Variants in ZNF391 observed in about 807,000 individuals in gnomAD.
The protein encoded by ZNF391 is zinc finger protein 391.
For missense variants in ZNF391, 375 were observed against 425.5 expected, an observed-to-expected ratio of 0.88 and a Z score of 1.04; for synonymous variants, 126 against 142.1, an observed-to-expected ratio of 0.89 and a Z score of 0.80.
chr6:27,400,002 A>G (rs1195018925), intron 2 of ZNF391, among the ~76,000 whole-genome samples: 5 of 151,466 alleles, frequency 3.3e-5, no homozygotes, highest in Admixed American at 3.3e-4. Flanking sequence ...TTAATCCCCA[A>G]CTCTCTGTCA....
In ZNF391 at chr6:27,400,684, A is replaced by G. The variant is rs1761931408; in HGVS notation, c.314A>G (p.Gln105Arg). The change falls in exon 3 of 3, where the codon CAA (glutamine) becomes CGA (arginine). Residue 105 changes from glutamine to arginine, a missense_variant. By Grantham distance (43) the Gln-to-Arg change is conservative. Coordinates refer to ENST00000244576, the MANE Select transcript of ZNF391 (RefSeq NM_001076781.3). ...ATTAAACACCAAAGACTTTTCTCAC[A>G]AAGAAAACCTTGTAAATGCAATGAA... ...DLIKHQRLFS[Q>R]RKPCKCNECE... The G allele has an allele frequency of 5.0e-6, 8 of 1,613,950 alleles. No homozygotes were observed. Among genetic ancestry groups the G allele is most frequent in the Non-Finnish European group, 5.1e-6 (6 of 1,179,990 alleles).
chr6:27,400,519 T>C lies in ZNF391; in HGVS notation c.149T>C (p.Leu50Pro). ...NTVVRKVSVT[L>P]KEIFTGEEGP... ...GTGGTCAGAAAAGTGTCAGTGACAC[T>C]CAAAGAAATTTTCACAGGGGAGGAA... Residue 50 changes from leucine to proline, a missense_variant, in exon 3 of 3, where the codon CTC becomes CCC. Physicochemically the swap from Leu to Pro is moderately conservative, Grantham distance 98 (BLOSUM62 -3). Coordinates refer to ENST00000244576, the MANE Select transcript of ZNF391 (RefSeq NM_001076781.3). 10 of 1,614,148 alleles carry C rather than the reference T, an allele frequency of 6.2e-6. No homozygotes were observed. Among genetic ancestry groups the C allele is most frequent in the Non-Finnish European group, 8.5e-6 (10 of 1,180,022 alleles).
rs1457759316 is a variant in ZNF391, at chr6:27,401,625, CCTT to C, written c.*183_*185del. The C allele has an allele frequency of 8.6e-6, 4 of 462,482 alleles. No individual in the cohort carries two copies. Among genetic ancestry groups the C allele is most frequent in the Admixed American group, 7.4e-5 (2 of 26,986 alleles). 28.6% of individuals were successfully genotyped at this position (462,482 alleles called of 1,614,324 possible). A position where few individuals can be genotyped will look rare whatever the true frequency, so the allele number is the denominator to read the frequency against. The stretch of plus-strand genomic sequence containing the variant: ...ATCTATCCTTCTTTCGTCTCCCCTC[CCTT>C]CTTCCCTCCTTCCCTCCTTCCTACT... On this transcript the variant is annotated 3_prime_UTR_variant, in exon 3 of 3. Transcript: ENST00000244576.
intron 1 of ZNF391, chr6:27,395,048 G>T (rs1328354855): frequency 6.6e-6 from 1 of 152,158 alleles, no homozygotes; most frequent in Admixed American, 6.5e-5. Flanking sequence ...ATCTCCAGAT[G>T]AGACTTTGGA....
intron 1 of ZNF391, among the ~76,000 whole-genome samples, chr6:27,381,509 T>A (rs1761507019): frequency 1.3e-5 from 2 of 152,212 alleles, no homozygotes; most frequent in Non-Finnish European, 2.9e-5. Flanking sequence ...GCTCCCACAG[T>A]GCAGCGGCGG....
intron 1 of ZNF391, among the ~76,000 whole-genome samples, chr6:27,382,320 C>G (rs1257003215): frequency 6.6e-6 from 1 of 152,148 alleles, no homozygotes; most frequent in Non-Finnish European, 1.5e-5. Context: ...CGCCATTGCA[C>G]TCCAGCCTGG....
intron 1 of ZNF391, chr6:27,391,028 T>A (rs867283619): frequency 6.6e-6 from 1 of 152,022 alleles, no homozygotes; most frequent in Non-Finnish European, 1.5e-5. Context: ...TCATACCCCA[T>A]ATGAAGAGAA....
Position 27,401,587 on chromosome 6 carries a change from G to A in ZNF391, c.*140G>A, listed in dbSNP as rs879194744. 6.5e-5 allele frequency: 37 copies of A among 569,778 alleles called. No homozygotes were observed. The highest frequency in any genetic ancestry group is 1.2e-4 in the South Asian group (3 of 25,148). 35.3% of individuals were successfully genotyped at this position (569,778 alleles called of 1,614,324 possible). A position where few individuals can be genotyped will look rare whatever the true frequency, so the allele number is the denominator to read the frequency against. ...CTATACCCGTTTTAAGCTTTCATTC[G>A]TTCTTTCCATCCATCTATCCTTCTT... On this transcript the variant is annotated 3_prime_UTR_variant, in exon 3 of 3. Transcript: ENST00000244576.
chr6:27,392,098 T>A (rs1237945721), intron 1 of ZNF391, among the ~76,000 whole-genome samples: 1 of 152,094 alleles, frequency 6.6e-6, no homozygotes, highest in Non-Finnish European at 1.5e-5. Flanking sequence ...AAAACCAGAT[T>A]GTTTATTTTT....
chr6:27,375,957 C>A (rs1397048687), intron 1 of ZNF391, among the ~76,000 whole-genome samples: 1 of 152,122 alleles, frequency 6.6e-6, no homozygotes, highest in African/African-American at 2.4e-5. Context: ...CTAGAGGATT[C>A]AATTGGTTAC....
intron 1 of ZNF391, 76 bp downstream of exon 1, chr6:27,389,151 T>C (rs1195857799): frequency 1.3e-5 from 6 of 456,390 alleles, no homozygotes; most frequent in African/African-American, 1.2e-4. Context: ...TCGCGTGTGG[T>C]TTGGCTGCAG....
At position 27,400,329 on chromosome 6, in the gene ZNF391, A is replaced by C; in HGVS notation, c.-42A>C. ...TGAGCTGAACCAAAGCATCAACACC[A>C]ATCAGACTGTTTCCGAAGAACTAGA... On this transcript the variant is annotated 5_prime_UTR_variant, in exon 3 of 3. Transcript: ENST00000244576. 4.0e-6 allele frequency: 6 copies of C among 1,497,166 alleles called. No individual in the cohort carries two copies. Among genetic ancestry groups the C allele is most frequent in the Non-Finnish European group, 5.4e-6 (6 of 1,105,396 alleles). The allele number at this position is 1,497,166 out of a possible 1,614,324, so 92.7% of individuals were successfully genotyped here.
intron 1 of ZNF391, among the ~76,000 whole-genome samples, chr6:27,379,357 A>AAAACT (rs1181962422): frequency 1.3e-5 from 2 of 152,232 alleles, no homozygotes; most frequent in Non-Finnish European, 2.9e-5. Flanking sequence ...ACAGTCACCT[A>AAAACT]AAACTAAACA....
rs572822986 is a variant in ZNF391, at chr6:27,400,900, G to A, written c.530G>A (p.Ser177Asn). 8 of 1,614,084 alleles carry A rather than the reference G, an allele frequency of 5.0e-6. No individual in the cohort carries two copies. In the East Asian group the frequency reaches 8.9e-5, roughly 18 times the overall value. Residue 177 changes from serine (S) to asparagine (N), a missense_variant, in exon 3 of 3, where the codon AGC becomes AAC. Coordinates refer to ENST00000244576, the MANE Select transcript of ZNF391 (RefSeq NM_001076781.3). ...CNECGKAFSR[S>N]THLSLHQRIH... ...GAATGTGGAAAAGCTTTTAGCCGGAGCACACATCTTAGTCTACATCAGAGA... is the reference window on the plus strand; with the variant it reads ...GAATGTGGAAAAGCTTTTAGCCGGAACACACATCTTAGTCTACATCAGAGA...
intron 1 of ZNF391, among the ~76,000 whole-genome samples, chr6:27,381,213 C>T (rs546299465): frequency 1.1e-4 from 17 of 152,234 alleles, no homozygotes; most frequent in Non-Finnish European, 1.9e-4. Flanking sequence ...GCCTGCGCCG[C>T]GGGAAGGCAG....
At chr6:27,388,440 C>A (rs1761618350), upstream of ZNF391, among the ~76,000 whole-genome samples, 2 of 152,038 alleles carry the variant, frequency 1.3e-5, no homozygotes, top group South Asian at 2.1e-4. Flanking sequence ...ATGTTCCGGG[C>A]CAACGAGTCA....
At chr6:27,392,941 C>CTT (rs1761746775) in intron 1 of ZNF391, among the ~76,000 whole-genome samples, 1 of 151,918 alleles carries the variant, frequency 6.6e-6, no homozygotes, top group Non-Finnish European at 1.5e-5. Context: ...AATATTCATA[C>CTT]AATTCTTAGA....
chr6:27,398,727 C>T lies in ZNF391; in HGVS notation c.-187-715C>T, dbSNP rs574593581. Among the ~76,000 whole-genome samples, 28 of 152,122 alleles carry T rather than the reference C, an allele frequency of 1.8e-4. No homozygotes were observed. The South Asian group carries it at 5.4e-3, about 29-fold the overall frequency. On this transcript the variant is annotated intron_variant, in intron 1 of 2. Coordinates refer to ENST00000244576, the MANE Select transcript of ZNF391 (RefSeq NM_001076781.3). ...CAAAAAACTAGCCGGGGTGTGGTGG[C>T]GAGCACCTGTAGTCCCAGCTACTCG...
chr6:27,395,406 C>T (rs1285150599), intron 1 of ZNF391, among the ~76,000 whole-genome samples: 2 of 152,096 alleles, frequency 1.3e-5, no homozygotes. Context: ...TGTGATATGC[C>T]TGCTCCCCTT....
Sources: gnomAD v4.1 joint callset for allele counts (sites outside exome capture counted in the v4.1 genomes callset) on GRCh38, gnomAD v4.1.1 for gene constraint, MANE v1.5 for transcripts, NCBI Gene and HGNC (gene_info 2026-07-23, HGNC 2026-07-21) for gene names.